VCAN: variants seen among roughly 807,000 people sequenced by gnomAD.
The protein encoded by VCAN is versican core protein.
A neutral mutation model predicts 245.5 loss-of-function variants in VCAN; 44 were observed. The observed-to-expected ratio is 0.18, with a 90% CI of 0.14 to 0.23. VCAN has a LOEUF of 0.23. Among genes scored for constraint, VCAN ranks in the 10% least tolerant of loss-of-function variants. The probability of loss-of-function intolerance (pLI) is 1.00; values close to 1 mark genes in which losing one functional copy is unlikely to be tolerated. For synonymous variants in VCAN, 1,413 were observed against 1,437.0 expected (o/e 0.98, Z 0.38); for missense variants, 3,793 against 4,057.9 (o/e 0.93, Z 1.77).
chr5:83,524,964 G>C (rs1746237385), intron 7 of VCAN, among the ~76,000 whole-genome samples: 1 of 151,020 alleles, frequency 6.6e-6, no homozygotes, highest in African/African-American at 2.4e-5. Context: ...GTATATCCAA[G>C]TAAGCAAAAA....
intron 12 of VCAN, among the ~76,000 whole-genome samples, chr5:83,563,156 CTCTTT>C (rs1030926594): frequency 1.3e-5 from 2 of 152,162 alleles, no homozygotes; most frequent in African/African-American, 4.8e-5. Context: ...AACAAAGCTG[CTCTTT>C]TCTTTTCAGT....
Position 83,537,657 on chromosome 5 carries a change from G to C in VCAN, c.4654G>C (p.Ala1552Pro). Residue 1552 changes from alanine (A) to proline (P), a missense_variant, in exon 8 of 15, where the codon GCC becomes CCC. Physicochemically the swap from Ala to Pro is conservative, Grantham distance 27 (BLOSUM62 -1). Coordinates refer to ENST00000265077, the MANE Select transcript of VCAN (RefSeq NM_004385.5). ...LFPEESSGEI[A>P]IDQESQKIAF... The stretch of plus-strand genomic sequence containing the variant: ...TCCTGAAGAGTCTTCAGGAGAGATT[G>C]CCATTGACCAAGAATCTCAGAAAAT... 1 of 1,613,828 alleles carries C rather than the reference G, an allele frequency of 6.2e-7. No individual in the cohort carries two copies. Among genetic ancestry groups the C allele is most frequent in the Non-Finnish European group, 8.5e-7 (1 of 1,179,916 alleles).
In VCAN at chr5:83,537,158, C is replaced by T. The variant is rs1467328913; in HGVS notation, c.4155C>T (p.His1385=). 6.2e-7 allele frequency: 1 copy of T among 1,613,740 alleles called. No individual in the cohort carries two copies. Among genetic ancestry groups the T allele is most frequent in the East Asian group, 2.2e-5 (1 of 44,848 alleles). The change falls in exon 8 of 15, where the codon CAC becomes CAT. Residue 1385 remains histidine, a synonymous_variant. Coordinates refer to ENST00000265077, the MANE Select transcript of VCAN (RefSeq NM_004385.5). The part of the protein sequence containing the change: ...FPDIIEIDLY[H]SEENEEEEEE... ...ACATAATTGAAATAGACCTATACCA[C>T]AGTGAAGAAAATGAAGAAGAAGAAG...
chr5:83,544,152 T>G (rs960274430), intron 8 of VCAN, among the ~76,000 whole-genome samples: 1 of 152,258 alleles, frequency 6.6e-6, no homozygotes, highest in Admixed American at 6.5e-5. Context: ...GTGTGTTAAC[T>G]GCAGCCTTGT....
At position 83,570,236 on chromosome 5, in the gene VCAN, C is replaced by A. The variant is rs146317236; in HGVS notation, c.9736-2180C>A. On this transcript the variant is annotated intron_variant, in intron 12 of 14. Transcript: ENST00000265077. ...TGCCTCACTTCTGGATTAGGTTTTT[C>A]CCCCGAGAAATAAAACCACCCTTCA... Among the ~76,000 whole-genome samples, 249 of 151,912 alleles carry A rather than the reference C, an allele frequency of 1.6e-3. 4 individuals carry two copies. Among genetic ancestry groups the A allele is most frequent in the Middle Eastern group, 6.8e-3 (2 of 292 alleles).
intron 10 of VCAN, among the ~76,000 whole-genome samples, chr5:83,549,363 T>A (rs1346759670): frequency 2.0e-5 from 3 of 152,210 alleles, no homozygotes; most frequent in Non-Finnish European, 4.4e-5. Context: ...AAATGCATCC[T>A]GGCACATTGT....
chr5:83,490,941 CT>C (rs1744963319), intron 3 of VCAN, among the ~76,000 whole-genome samples: 1 of 151,964 alleles, frequency 6.6e-6, no homozygotes. Flanking sequence ...TTTGAGTTTG[CT>C]TTTAGGAAAT....
At chr5:83,527,058 A>G (rs926264397) in intron 7 of VCAN, among the ~76,000 whole-genome samples, 1 of 152,164 alleles carries the variant, frequency 6.6e-6, no homozygotes, top group African/African-American at 2.4e-5. Flanking sequence ...CTCTGAGAAA[A>G]CAACAACCCC....
intron 12 of VCAN, among the ~76,000 whole-genome samples, chr5:83,556,251 T>G (rs1233833513): frequency 1.3e-5 from 2 of 152,234 alleles, no homozygotes; most frequent in Non-Finnish European, 2.9e-5. Context: ...GTTGAGCTAT[T>G]TGCCTGGAAT....
rs1561280037 is a variant in VCAN, at chr5:83,580,119, A to G, written c.10020A>G (p.Leu3340=). The change falls in exon 14 of 15, where the codon TTA becomes TTG. Residue 3340 remains leucine (L), a synonymous_variant. Transcript: ENST00000265077. ...IQRHLPTIRC[L]GNGRWAIPKI... ...GTCACCTTCCAACTATCCGGTGCTT[A>G]GGAAATGGAAGATGGGCTATACCTA... The G allele has an allele frequency of 6.2e-7, 1 of 1,614,106 alleles. No homozygotes were observed. Among genetic ancestry groups the G allele is most frequent in the Non-Finnish European group, 8.5e-7 (1 of 1,179,990 alleles).
intron 5 of VCAN, among the ~76,000 whole-genome samples, chr5:83,505,875 T>C (rs1745467012): frequency 6.6e-6 from 1 of 152,206 alleles, no homozygotes; most frequent in South Asian, 2.1e-4. Context: ...GTTCTTGACT[T>C]CTGTGCACCC....
chr5:83,499,022 C>A (rs966533100), intron 5 of VCAN, among the ~76,000 whole-genome samples: 1 of 152,060 alleles, frequency 6.6e-6, no homozygotes, highest in African/African-American at 2.4e-5. Context: ...TCTCGCCCTG[C>A]ACAGACCCTT....
chr5:83,478,105 G>C (rs973688150), intron 1 of VCAN, among the ~76,000 whole-genome samples: 2 of 152,002 alleles, frequency 1.3e-5, no homozygotes, highest in African/African-American at 4.8e-5. Context: ...ACCATGCTTG[G>C]CTAATTTTCG....
At position 83,493,553 on chromosome 5, in the gene VCAN, G is replaced by A. The variant is rs758527806; in HGVS notation, c.453G>A (p.Val151=). 1 of 1,613,292 alleles carries A rather than the reference G, an allele frequency of 6.2e-7. No homozygotes were observed. Among genetic ancestry groups the A allele is most frequent in the Non-Finnish European group, 8.5e-7 (1 of 1,180,018 alleles). Residue 151 remains valine (V), a synonymous_variant, in exon 4 of 15, where the codon GTG becomes GTA. Coordinates refer to ENST00000265077, the MANE Select transcript of VCAN (RefSeq NM_004385.5). ...TTGCTGTTGTTTTTGCAGGGGTTGTGTTTCACTACAGGGCGGCAACCAGCA... is the reference window on the plus strand; with the variant it reads ...TTGCTGTTGTTTTTGCAGGGGTTGTATTTCACTACAGGGCGGCAACCAGCA... The part of the protein sequence containing the change: ...DTVSLTVDGV[V]FHYRAATSRY...
Position 83,564,614 on chromosome 5 carries a change from A to G in VCAN, c.9736-7802A>G, listed in dbSNP as rs191320221. Among the ~76,000 whole-genome samples the G allele has an allele frequency of 6.1e-4, 93 of 152,070 alleles. 1 individual carries two copies. The highest frequency in any genetic ancestry group is 5.4e-3 in the Admixed American group (82 of 15,266). Reference sequence around the variant, plus strand: ...TTTATACACAATAGTAGAACGCTGGAGAAAGTTTTCTTTGGCTAGTTTCCT... The same window carrying G: ...TTTATACACAATAGTAGAACGCTGGGGAAAGTTTTCTTTGGCTAGTTTCCT... On this transcript the variant is annotated intron_variant, in intron 12 of 14. Coordinates refer to ENST00000265077, the MANE Select transcript of VCAN (RefSeq NM_004385.5).
chr5:83,476,692 C>T (rs1261150734), intron 1 of VCAN, among the ~76,000 whole-genome samples: 1 of 151,362 alleles, frequency 6.6e-6, no homozygotes, highest in African/African-American at 2.4e-5. Context: ...GTGGGGGGTG[C>T]GTGTGTGTGT....
intron 5 of VCAN, among the ~76,000 whole-genome samples, chr5:83,503,539 C>A (rs1324678122): frequency 6.6e-6 from 1 of 152,174 alleles, no homozygotes; most frequent in Non-Finnish European, 1.5e-5. Context: ...ACCAAAAGAG[C>A]AGGGAGTGCT....
At chr5:83,491,423 A>G (rs994696604) in intron 3 of VCAN, among the ~76,000 whole-genome samples, 1 of 152,196 alleles carries the variant, frequency 6.6e-6, no homozygotes, top group Non-Finnish European at 1.5e-5. Context: ...GATGCAACAC[A>G]TTAACTTTCT....
Position 83,548,088 on chromosome 5 carries a change from A to T in VCAN, c.9493+4A>T. ...GTTGGTGCACTTTGTGAGCAAGGTA[A>T]GAGCTATTGCAACATTTGTATGATG... On this transcript the variant is annotated splice_donor_region_variant and intron_variant, in intron 10 of 14. Coordinates refer to ENST00000265077, the MANE Select transcript of VCAN (RefSeq NM_004385.5). 6.2e-7 allele frequency: 1 copy of T among 1,607,884 alleles called. No homozygotes were observed. The highest frequency in any genetic ancestry group is 8.5e-7 in the Non-Finnish European group (1 of 1,174,344).
Sources: gnomAD v4.1 joint callset for allele counts (sites outside exome capture counted in the v4.1 genomes callset) on GRCh38, gnomAD v4.1.1 for gene constraint, MANE v1.5 for transcripts, NCBI Gene and HGNC (gene_info 2026-07-23, HGNC 2026-07-21) for gene names.